The following PPIP5K2 variants were observed in gnomAD, a reference collection of about 807,000 sequenced individuals.
PPIP5K2 encodes the protein diphosphoinositol pentakisphosphate kinase 2, also known as inositol hexakisphosphate and diphosphoinositol-pentakisphosphate kinase 2.
Under a neutral mutation model 154.6 loss-of-function variants are expected in PPIP5K2, and 105 were observed. That is an observed-to-expected ratio of 0.68 (90% CI 0.58 to 0.80). The LOEUF is 0.80. Among genes scored for constraint, PPIP5K2 ranks in the 30% least tolerant of loss-of-function variants. The probability of loss-of-function intolerance (pLI) is 0.00; values close to 1 mark genes in which losing one functional copy is unlikely to be tolerated. For synonymous variants in PPIP5K2, 480 were observed against 490.3 expected, an observed-to-expected ratio of 0.98 and a Z score of 0.28; for missense variants, 992 against 1,504.6, an observed-to-expected ratio of 0.66 and a Z score of 5.64.
intron 2 of PPIP5K2, among the ~76,000 whole-genome samples, chr5:103,133,146 A>T (rs945931986): frequency 1.3e-5 from 2 of 152,200 alleles, no homozygotes; most frequent in Non-Finnish European, 2.9e-5. Context: ...TGTGAGGAGG[A>T]TAAATAAATG....
intron 26 of PPIP5K2, 42 bp downstream of exon 26, chr5:103,184,786 A>T: frequency 6.7e-7 from 1 of 1,497,274 alleles, no homozygotes; most frequent in Non-Finnish European, 9.3e-7. Context: ...CCCTTCTTAA[A>T]CTCACTATTG....
chr5:103,202,575 G>T lies in PPIP5K2; in HGVS notation c.*941G>T, dbSNP rs1261729862. 2 of 152,092 alleles carry T rather than the reference G, an allele frequency of 1.3e-5. No homozygotes were observed. The highest frequency in any genetic ancestry group is 1.3e-4 in the Admixed American group (2 of 15,262). 9.4% of individuals were successfully genotyped at this position (152,092 alleles called of 1,614,324 possible). ...TTCCATTCTTATCCCTAGTGTATCA[G>T]TTGATCACACTAAGAAAGCTTAAAG... On this transcript the variant is annotated 3_prime_UTR_variant, in exon 31 of 31. Transcript: ENST00000358359.
At position 103,158,551 on chromosome 5, in the gene PPIP5K2, T is replaced by C. The variant is rs933172934; in HGVS notation, c.1715T>C (p.Met572Thr). 3.1e-6 allele frequency: 5 copies of C among 1,597,350 alleles called. No individual in the cohort carries two copies. The highest frequency in any genetic ancestry group is 4.3e-6 in the Non-Finnish European group (5 of 1,175,104). The change falls in exon 16 of 31, where the codon ATG (methionine) becomes ACG (threonine). Residue 572 changes from methionine to threonine, a missense_variant. Around this residue, in one of 9 missense-constraint regions of PPIP5K2, gnomAD observed 22 missense variants for 95.5 expected, o/e 0.23. Coordinates refer to ENST00000358359, the MANE Select transcript of PPIP5K2 (RefSeq NM_001276277.3). Reference protein sequence around the residue: ...IYASDEGRVQMTAAAFAKGLL... With the variant: ...IYASDEGRVQTTAAAFAKGLL... ...GCCTCTGATGAAGGACGAGTCCAGA[T>C]GACTGCAGCTGCTTTTGCAAAGGTA...
intron 30 of PPIP5K2, among the ~76,000 whole-genome samples, chr5:103,200,620 T>G (rs1802829829): frequency 6.6e-6 from 1 of 150,468 alleles, no homozygotes; most frequent in Non-Finnish European, 1.5e-5. Context: ...TTTATTTTAT[T>G]TATTTATTTA....
In PPIP5K2 at chr5:103,190,835, C is replaced by A; in HGVS notation, c.3353-7C>A. On this transcript the variant is annotated splice_region_variant and splice_polypyrimidine_tract_variant and intron_variant, in intron 28 of 30. Transcript: ENST00000358359. The stretch of plus-strand genomic sequence containing the variant: ...TATTTTTTGTTTTTGGTTTTTTTCT[C>A]TTCTAGGCTTTGAATTGTATTCCAT... 6.4e-7 allele frequency: 1 copy of A among 1,565,244 alleles called. No individual in the cohort carries two copies. The highest frequency in any genetic ancestry group is 1.2e-5 in the South Asian group (1 of 82,704).
intron 1 of PPIP5K2, among the ~76,000 whole-genome samples, chr5:103,124,769 G>C (rs1789372227): frequency 6.6e-6 from 1 of 152,132 alleles, no homozygotes; most frequent in African/African-American, 2.4e-5. Flanking sequence ...GGGTATAACA[G>C]CTGCCTTAAA....
chr5:103,189,130 G>T (rs1554226070), intron 28 of PPIP5K2: 2 of 1,449,308 alleles, frequency 1.4e-6, no homozygotes, highest in Admixed American at 4.0e-5. Flanking sequence ...AGTATCTTCT[G>T]ACAGTGCTTT....
chr5:103,125,457 G>GTTTTT (rs10642392), intron 1 of PPIP5K2, among the ~76,000 whole-genome samples: 1 of 144,144 alleles, frequency 6.9e-6, no homozygotes. Context: ...AGCCTGTTCA[G>GTTTTT]TTTTTTTTTT....
intron 17 of PPIP5K2, among the ~76,000 whole-genome samples, chr5:103,160,954 A>G (rs1442193179): frequency 4.1e-5 from 6 of 146,150 alleles, no homozygotes; most frequent in African/African-American, 1.3e-4. Context: ...TTGTCTTTTC[A>G]TTCTTTTTTT....
intron 1 of PPIP5K2, among the ~76,000 whole-genome samples, chr5:103,127,748 A>G (rs1789936438): frequency 6.6e-6 from 1 of 152,102 alleles, no homozygotes; most frequent in African/African-American, 2.4e-5. Flanking sequence ...TTAAGCACTG[A>G]CAGATTAAAA....
At chr5:103,132,474 A>G (rs1790791265) in intron 2 of PPIP5K2, among the ~76,000 whole-genome samples, 1 of 151,998 alleles carries the variant, frequency 6.6e-6, no homozygotes, top group Non-Finnish European at 1.5e-5. Flanking sequence ...TGAACCCGGG[A>G]GGCGGAGGTT....
At chr5:103,136,668 G>A in intron 3 of PPIP5K2, 64 bp from the exon 4 acceptor site, 1 of 1,306,362 alleles carries the variant, frequency 7.7e-7, no homozygotes, top group Non-Finnish European at 1.1e-6. Flanking sequence ...ATCAATTCAA[G>A]TTAATAAAGT....
intron 28 of PPIP5K2, among the ~76,000 whole-genome samples, chr5:103,189,767 T>C (rs1554226305): frequency 6.6e-6 from 1 of 152,088 alleles, no homozygotes; most frequent in African/African-American, 2.4e-5. Flanking sequence ...AGGCAGTTCT[T>C]GGGTCAATAT....
intron 17 of PPIP5K2, among the ~76,000 whole-genome samples, chr5:103,166,921 G>C (rs1175322246): frequency 6.6e-6 from 1 of 151,930 alleles, no homozygotes; most frequent in Non-Finnish European, 1.5e-5. Context: ...TGTCTCAAGG[G>C]TGGAAGAGGT....
In PPIP5K2 at chr5:103,168,504, C is replaced by CT. The variant is rs1270740236; in HGVS notation, c.2286+216dup. Among the ~76,000 whole-genome samples, 4 of 151,686 alleles carry CT rather than the reference C, an allele frequency of 2.6e-5. No homozygotes were observed. In the East Asian group the frequency reaches 7.7e-4, roughly 29 times the overall value. On this transcript the variant is annotated intron_variant, in intron 19 of 30. Transcript: ENST00000358359. ...TTTTCTAATAGTTTGACTACAGTGA[C>CT]TTTTTTTAGTAGACTATATTTATTA...
Sources: gnomAD v4.1 joint callset for allele counts (sites outside exome capture counted in the v4.1 genomes callset) on GRCh38, gnomAD v4.1.1 for gene constraint, gnomAD v4.1.1 regional missense constraint, MANE v1.5 for transcripts, NCBI Gene and HGNC (gene_info 2026-07-23, HGNC 2026-07-21) for gene names.